Variants in JARID2 observed in about 807,000 individuals in gnomAD.
JARID2 encodes protein Jumonji.
A neutral mutation model predicts 125.6 loss-of-function variants in JARID2; 21 were observed. The observed-to-expected ratio is 0.17, with a 90% confidence interval of 0.12 to 0.24. The LOEUF is 0.24. Ranked by LOEUF, JARID2 falls within the 10% of genes least tolerant of loss-of-function variation. The pLI, the probability that JARID2 is intolerant of heterozygous loss-of-function variation, is 1.00. For synonymous variants in JARID2, 736 were observed against 661.6 expected (o/e 1.11, Z -1.73); for missense variants, 1,303 against 1,639.6 (o/e 0.79, Z 3.55).
intron 6 of JARID2, among the ~76,000 whole-genome samples, chr6:15,488,379 C>T (rs998800660): frequency 2.0e-5 from 3 of 152,234 alleles, no homozygotes; most frequent in Non-Finnish European, 2.9e-5. Flanking sequence ...GCCTCGTGCT[C>T]CTGTTCCCCC....
intron 4 of JARID2, among the ~76,000 whole-genome samples, chr6:15,465,697 AT>A (rs1396901347): frequency 6.6e-6 from 1 of 152,072 alleles, no homozygotes; most frequent in African/African-American, 2.4e-5. Flanking sequence ...TTAATTCCTT[AT>A]TTCTAATGTG....
intron 5 of JARID2, among the ~76,000 whole-genome samples, chr6:15,485,938 C>A (rs985735363): frequency 3.3e-5 from 5 of 152,166 alleles, no homozygotes; most frequent in Non-Finnish European, 2.9e-5. Flanking sequence ...ATTTACAACT[C>A]AAAGGAGGAA....
At chr6:15,356,580 T>C (rs564203275) in intron 1 of JARID2, among the ~76,000 whole-genome samples, 8 of 152,302 alleles carry the variant, frequency 5.3e-5, no homozygotes, top group South Asian at 2.1e-4. Context: ...TTCATAAATA[T>C]AAGCTTGAAG....
chr6:15,247,371 T>C (rs1759218910), intron 1 of JARID2: 1 of 925,534 alleles, frequency 1.1e-6, no homozygotes, highest in Non-Finnish European at 1.3e-6. Context: ...TTGTGCATAG[T>C]ACAGCTACGT....
At chr6:15,246,721 A>T in intron 1 of JARID2, 137 bp downstream of exon 1, 1 of 808,662 alleles carries the variant, frequency 1.2e-6, no homozygotes, top group Non-Finnish European at 2.0e-6. Flanking sequence ...TTTCTGAAAG[A>T]GGGCTTTTCA....
chr6:15,360,187 A>G (rs2127494059), intron 1 of JARID2, among the ~76,000 whole-genome samples: 1 of 151,762 alleles, frequency 6.6e-6, no homozygotes, highest in African/African-American at 2.4e-5. Context: ...ATATTTAATT[A>G]ATTAATTTTT....
chr6:15,347,850 T>A (rs1406947742), intron 1 of JARID2, among the ~76,000 whole-genome samples: 1 of 152,094 alleles, frequency 6.6e-6, no homozygotes, highest in Non-Finnish European at 1.5e-5. Context: ...CACAATAGCC[T>A]CTACCTTCCT....
chr6:15,335,740 A>ATG (rs1762855750), intron 1 of JARID2, among the ~76,000 whole-genome samples: 1 of 151,930 alleles, frequency 6.6e-6, no homozygotes, highest in East Asian at 1.9e-4. Flanking sequence ...AAGCATTCCT[A>ATG]TGTGCTGCTC....
intron 1 of JARID2, among the ~76,000 whole-genome samples, chr6:15,295,511 C>T (rs1005811651): frequency 3.9e-5 from 6 of 152,090 alleles, no homozygotes; most frequent in African/African-American, 1.4e-4. Context: ...AACAGTGGTT[C>T]AGCATTGGCA....
chr6:15,326,252 G>A (rs1243900334), intron 1 of JARID2, among the ~76,000 whole-genome samples: 1 of 152,100 alleles, frequency 6.6e-6, no homozygotes, highest in Non-Finnish European at 1.5e-5. Context: ...AGACAGGGTG[G>A]AGTTCAGTGG....
At chr6:15,338,016 A>G (rs1762938283) in intron 1 of JARID2, among the ~76,000 whole-genome samples, 2 of 152,212 alleles carry the variant, frequency 1.3e-5, no homozygotes, top group African/African-American at 4.8e-5. Context: ...GAAGGACGCC[A>G]TGCTTCATGG....
At chr6:15,278,686 T>G (rs938124836) in intron 1 of JARID2, among the ~76,000 whole-genome samples, 1 of 152,174 alleles carries the variant, frequency 6.6e-6, no homozygotes, top group African/African-American at 2.4e-5. Flanking sequence ...AGGAAGGGTC[T>G]GGGGGGACAT....
chr6:15,250,021 TCAC>T (rs1759381662), intron 1 of JARID2, among the ~76,000 whole-genome samples: 1 of 152,334 alleles, frequency 6.6e-6, no homozygotes, highest in African/African-American at 2.4e-5. Flanking sequence ...TACTGGGGCT[TCAC>T]CACTATTTGA....
At position 15,452,194 on chromosome 6, in the gene JARID2, C is replaced by T. The variant is rs140995130; in HGVS notation, c.493+19C>T. 16 of 1,612,758 alleles carry T rather than the reference C, an allele frequency of 9.9e-6. No homozygotes were observed. The highest frequency in any genetic ancestry group is 2.2e-5 in the East Asian group (1 of 44,858). Reference sequence around the variant, plus strand: ...CTTCGAGGTAAGACTTTGCAACCATCGGCGGAGGTCTACGTGGAATCTACA... The same window carrying T: ...CTTCGAGGTAAGACTTTGCAACCATTGGCGGAGGTCTACGTGGAATCTACA... On this transcript the variant is annotated intron_variant, in intron 4 of 17. Coordinates refer to ENST00000341776, the MANE Select transcript of JARID2 (RefSeq NM_004973.4).
At chr6:15,368,326 G>T (rs1186269777) in intron 1 of JARID2, among the ~76,000 whole-genome samples, 1 of 152,102 alleles carries the variant, frequency 6.6e-6, no homozygotes, top group African/African-American at 2.4e-5. Context: ...CTTTTGGTTG[G>T]ATTGGATCCT....
chr6:15,336,241 G>C (rs1006926603), intron 1 of JARID2, among the ~76,000 whole-genome samples: 5 of 152,250 alleles, frequency 3.3e-5, no homozygotes, highest in Non-Finnish European at 7.3e-5. Flanking sequence ...ATCTGAGGGA[G>C]GGAAGGAAAA....
intron 1 of JARID2, among the ~76,000 whole-genome samples, chr6:15,275,170 C>T (rs941137619): frequency 6.6e-6 from 1 of 152,134 alleles, no homozygotes; most frequent in Non-Finnish European, 1.5e-5. Flanking sequence ...TGTTTCTGGG[C>T]TCAGGTTCAA....
At chr6:15,313,334 G>T (rs558138353) in intron 1 of JARID2, among the ~76,000 whole-genome samples, 1 of 152,308 alleles carries the variant, frequency 6.6e-6, no homozygotes, top group East Asian at 1.9e-4. Flanking sequence ...TGAAGAAAGC[G>T]CTGTGGCTGA....
At chr6:15,272,238 T>C (rs1337565300) in intron 1 of JARID2, among the ~76,000 whole-genome samples, 2 of 152,264 alleles carry the variant, frequency 1.3e-5, no homozygotes, top group Non-Finnish European at 2.9e-5. Flanking sequence ...TATGTTGTCC[T>C]TTCTGAAGAC....
Sources: gnomAD v4.1 joint callset for allele counts (sites outside exome capture counted in the v4.1 genomes callset) on GRCh38, gnomAD v4.1.1 for gene constraint, MANE v1.5 for transcripts, NCBI Gene and HGNC (gene_info 2026-07-23, HGNC 2026-07-21) for gene names.